PCDHGA12: variants seen among roughly 807,000 people sequenced by gnomAD.
PCDHGA12 encodes protocadherin gamma subfamily A, 12, also known as protocadherin gamma-A12.
Under a neutral mutation model 61.1 loss-of-function variants are expected in PCDHGA12, and 43 were observed. The ratio of observed to expected loss-of-function variants is 0.70; its 90% CI spans 0.55 to 0.91. PCDHGA12 has a LOEUF of 0.91. PCDHGA12 is among the 40% of genes least tolerant of loss of function. The pLI is 0.00. For missense variants in PCDHGA12, 1,236 were observed against 1,227.7 expected (o/e 1.01, Z -0.10); for synonymous variants, 520 against 542.9 (o/e 0.96, Z 0.59).
At position 141,490,328 on chromosome 5, in the gene PCDHGA12, C is replaced by T; in HGVS notation, c.2425-4479C>T. 2 of 1,614,228 alleles carry T rather than the reference C, an allele frequency of 1.2e-6. No homozygotes were observed. Among genetic ancestry groups the T allele is most frequent in the Non-Finnish European group, 1.7e-6 (2 of 1,180,048 alleles). Reference sequence around the variant, plus strand: ...TTGGCCAACCCTGTCCTAGAGAGCACACCAGTGGGCACAGTAGTGGGGTTG... The same window carrying T: ...TTGGCCAACCCTGTCCTAGAGAGCATACCAGTGGGCACAGTAGTGGGGTTG... On this transcript the variant is annotated intron_variant, in intron 1 of 3. Coordinates refer to ENST00000252085, the MANE Select transcript of PCDHGA12 (RefSeq NM_003735.3). The surrounding 1 kb of genome is among the most constrained non-coding windows in gnomAD (Gnocchi z 5.4).
At chr5:141,434,535 A>G (rs939961995) in intron 1 of PCDHGA12, among the ~76,000 whole-genome samples, 1 of 152,230 alleles carries the variant, frequency 6.6e-6, no homozygotes, top group African/African-American at 2.4e-5. Flanking sequence ...ACCACAAACA[A>G]TAGCATGAGT....
rs1376914747 is a variant in PCDHGA12, at chr5:141,432,008, A to T, written c.1249A>T (p.Ser417Cys). The change falls in exon 1 of 4, where the codon AGC becomes TGC. Residue 417 changes from serine to cysteine, a missense_variant. Coordinates refer to ENST00000252085, the MANE Select transcript of PCDHGA12 (RefSeq NM_003735.3). This position sits in a 1 kb window ranked among gnomAD's most constrained non-coding sequence, Gnocchi z 6.0. ...DIVLDREQVP[S>C]YNITVTATDR... ...AGTCTTGGATAGGGAACAGGTTCCT[A>T]GCTACAACATCACAGTGACCGCCAC... 1 of 1,614,200 alleles carries T rather than the reference A, an allele frequency of 6.2e-7. No homozygotes were observed. The highest frequency in any genetic ancestry group is 2.2e-5 in the East Asian group (1 of 44,888).
chr5:141,440,056 G>A, intron 1 of PCDHGA12: 1 of 152,648 alleles, frequency 6.6e-6, no homozygotes, highest in East Asian at 1.9e-4. Flanking sequence ...GAAAGCTTCG[G>A]GTTAATGCTG....
Position 141,476,735 on chromosome 5 carries a change from G to C in PCDHGA12, c.2425-18072G>C, listed in dbSNP as rs1267556668. The C allele has an allele frequency of 6.2e-7, 1 of 1,613,974 alleles. No individual in the cohort carries two copies. Among genetic ancestry groups the C allele is most frequent in the African/African-American group, 1.3e-5 (1 of 74,940 alleles). On this transcript the variant is annotated intron_variant, in intron 1 of 3. Coordinates refer to ENST00000252085, the MANE Select transcript of PCDHGA12 (RefSeq NM_003735.3). This position sits in a 1 kb window ranked among gnomAD's most constrained non-coding sequence, Gnocchi z 7.6. ...GGAGCGCGCCCTGGACCGAGAACGG[G>C]AGCCTAGTCTCCAGTTAGTGCTGAC...
Position 141,512,931 on chromosome 5 carries a change from C to T in PCDHGA12, c.*1758C>T, listed in dbSNP as rs2099884512. On this transcript the variant is annotated 3_prime_UTR_variant, in exon 4 of 4. Transcript: ENST00000252085. ...GTTTTATACTCTAATATTTATATGG[C>T]TTTTTTTCTTCGACAAAAAAATAAT... The T allele has an allele frequency of 6.6e-6, 1 of 152,006 alleles. No homozygotes were observed. The highest frequency in any genetic ancestry group is 2.4e-5 in the African/African-American group (1 of 41,414). The allele number at this position is 152,006 out of a possible 1,614,324, so 9.4% of individuals were successfully genotyped here.
chr5:141,450,468 A>G (rs1187171122), intron 1 of PCDHGA12, among the ~76,000 whole-genome samples: 2 of 151,696 alleles, frequency 1.3e-5, no homozygotes, highest in African/African-American at 4.9e-5. Flanking sequence ...TTTTATATAT[A>G]GAGTTTGTTT....
At position 141,485,568 on chromosome 5, in the gene PCDHGA12, G is replaced by T. The variant is rs1020556289; in HGVS notation, c.2425-9239G>T. 6.2e-7 allele frequency: 1 copy of T among 1,612,758 alleles called. No homozygotes were observed. Among genetic ancestry groups the T allele is most frequent in the Non-Finnish European group, 8.5e-7 (1 of 1,178,924 alleles). On this transcript the variant is annotated intron_variant, in intron 1 of 3. Coordinates refer to ENST00000252085, the MANE Select transcript of PCDHGA12 (RefSeq NM_003735.3). The surrounding 1 kb of genome is among the most constrained non-coding windows in gnomAD (Gnocchi z 5.7). Reference sequence around the variant, plus strand: ...GTAGATGTGAATGATCACGCCCCCCGTTTTCCGCGGCAGCAGCTGGACTTG... The same window carrying T: ...GTAGATGTGAATGATCACGCCCCCCTTTTTCCGCGGCAGCAGCTGGACTTG...
intron 1 of PCDHGA12, among the ~76,000 whole-genome samples, chr5:141,450,005 T>A (rs1439257597): frequency 1.0e-5 from 1 of 99,604 alleles, no homozygotes; most frequent in Non-Finnish European, 1.8e-5. Context: ...TTGCCATGTC[T>A]CTTTTTTTTT....
chr5:141,487,831 A>T lies in PCDHGA12; in HGVS notation c.2425-6976A>T. 2 of 1,144,322 alleles carry T rather than the reference A, an allele frequency of 1.7e-6. No individual in the cohort carries two copies. Among genetic ancestry groups the T allele is most frequent in the Non-Finnish European group, 2.4e-6 (2 of 818,294 alleles). 70.9% of individuals were successfully genotyped at this position (1,144,322 alleles called of 1,614,324 possible). ...TTAGCATTGGGGGCGGGTCATGCCT[A>T]TATCTGAGTAAGAAATGAAAGTAAT... On this transcript the variant is annotated intron_variant, in intron 1 of 3. Transcript: ENST00000252085. The surrounding 1 kb of genome is among the most constrained non-coding windows in gnomAD (Gnocchi z 5.0).
In PCDHGA12 at chr5:141,430,862, G is replaced by A. The variant is rs1365140768; in HGVS notation, c.103G>A (p.Val35Ile). ...ETGCTQIRYS[V>I]PEELEKGSRV... ...CGGATGCACCCAGATACGCTATTCA[G>A]TTCCGGAAGAGCTGGAGAAAGGCTC... is the stretch of plus-strand genomic sequence containing the variant. Residue 35 changes from valine (V) to isoleucine (I), a missense_variant, in exon 1 of 4, where the codon GTT (valine) becomes ATT (isoleucine). Transcript: ENST00000252085. 3 of 1,594,672 alleles carry A rather than the reference G, an allele frequency of 1.9e-6. No individual in the cohort carries two copies. The African/African-American group carries it at 4.0e-5, about 21-fold the overall frequency.
At position 141,485,060 on chromosome 5, in the gene PCDHGA12, G is replaced by A. The variant is rs191055161; in HGVS notation, c.2425-9747G>A. 155 of 862,304 alleles carry A rather than the reference G, an allele frequency of 1.8e-4. No individual in the cohort carries two copies. The African/African-American group carries it at 2.3e-3, about 13-fold the overall frequency. 53.4% of individuals were successfully genotyped at this position (862,304 alleles called of 1,614,324 possible). ...ACCCTTGCGGCGCCGGCCGAACCGCGCCAGAGCTGGCGCGGGGAAAGGGAG... is the reference window on the plus strand; with the variant it reads ...ACCCTTGCGGCGCCGGCCGAACCGCACCAGAGCTGGCGCGGGGAAAGGGAG... On this transcript the variant is annotated intron_variant, in intron 1 of 3. Transcript: ENST00000252085. This position sits in a 1 kb window ranked among gnomAD's most constrained non-coding sequence, Gnocchi z 5.7.
chr5:141,431,438 C>A lies in PCDHGA12; in HGVS notation c.679C>A (p.Arg227Ser), dbSNP rs773812765. 6.2e-7 allele frequency: 1 copy of A among 1,613,612 alleles called. No homozygotes were observed. The highest frequency in any genetic ancestry group is 1.7e-5 in the Admixed American group (1 of 60,004). Reference protein sequence around the residue: ...GGDPVRTGTARIRVMVLDAND... With the variant: ...GGDPVRTGTASIRVMVLDAND... ...CGACCCGGTGCGCACAGGCACCGCG[C>A]GCATCCGCGTGATGGTTCTGGATGC... The change falls in exon 1 of 4, where the codon CGC (arginine) becomes AGC (serine). Residue 227 changes from arginine to serine, a missense_variant. Coordinates refer to ENST00000252085, the MANE Select transcript of PCDHGA12 (RefSeq NM_003735.3). This position sits in a 1 kb window ranked among gnomAD's most constrained non-coding sequence, Gnocchi z 4.8.
chr5:141,462,372 C>A (rs2099038225), intron 1 of PCDHGA12, among the ~76,000 whole-genome samples: 1 of 152,096 alleles, frequency 6.6e-6, no homozygotes, highest in African/African-American at 2.4e-5. Flanking sequence ...AGTTTCTATT[C>A]TTTTAAATTC....
chr5:141,511,276 T>C lies in PCDHGA12; in HGVS notation c.*103T>C. On this transcript the variant is annotated 3_prime_UTR_variant, in exon 4 of 4. Coordinates refer to ENST00000252085, the MANE Select transcript of PCDHGA12 (RefSeq NM_003735.3). ...AGAGTTTCAGGGCTAACCCCCAGAA[T>C]ACTGGTAGGGGCCAAGGCCATGCTC... 6.5e-7 allele frequency: 1 copy of C among 1,538,084 alleles called. No homozygotes were observed. Among genetic ancestry groups the C allele is most frequent in the Non-Finnish European group, 8.8e-7 (1 of 1,140,720 alleles).
chr5:141,477,193 C>G lies in PCDHGA12; in HGVS notation c.2425-17614C>G. The G allele has an allele frequency of 6.2e-7, 1 of 1,614,176 alleles. No homozygotes were observed. Among genetic ancestry groups the G allele is most frequent in the Non-Finnish European group, 8.5e-7 (1 of 1,180,036 alleles). On this transcript the variant is annotated intron_variant, in intron 1 of 3. Transcript: ENST00000252085. This position sits in a 1 kb window ranked among gnomAD's most constrained non-coding sequence, Gnocchi z 4.9. ...AGATCACAGTCACCTCCGTGTACAG[C>G]CCAGTACCCGAGGATGCCCCTCTGG...
At position 141,486,370 on chromosome 5, in the gene PCDHGA12, T is replaced by C. The variant is rs755925357; in HGVS notation, c.2425-8437T>C. Reference sequence around the variant, plus strand: ...ACCACTTGCCATTTGCCCTCAAGTCTGCCTTCAGGAACCAGTTCTCCCTGG... The same window carrying C: ...ACCACTTGCCATTTGCCCTCAAGTCCGCCTTCAGGAACCAGTTCTCCCTGG... On this transcript the variant is annotated intron_variant, in intron 1 of 3. Coordinates refer to ENST00000252085, the MANE Select transcript of PCDHGA12 (RefSeq NM_003735.3). The surrounding 1 kb of genome is among the most constrained non-coding windows in gnomAD (Gnocchi z 5.0). 8 of 1,613,988 alleles carry C rather than the reference T, an allele frequency of 5.0e-6. No individual in the cohort carries two copies. The Admixed American group carries it at 1.3e-4, about 27-fold the overall frequency.
intron 1 of PCDHGA12, among the ~76,000 whole-genome samples, chr5:141,484,774 C>T (rs1269490742): frequency 6.6e-6 from 1 of 151,782 alleles, no homozygotes; most frequent in Non-Finnish European, 1.5e-5. Context: ...ATGTTGTCTG[C>T]CTCCCCACAG....
intron 3 of PCDHGA12, among the ~76,000 whole-genome samples, chr5:141,506,190 C>T (rs1313145580): frequency 6.6e-6 from 1 of 152,180 alleles, no homozygotes; most frequent in Non-Finnish European, 1.5e-5. Flanking sequence ...GTGGCTCACG[C>T]CTGTAATCCC....
chr5:141,477,988 C>T lies in PCDHGA12; in HGVS notation c.2425-16819C>T, dbSNP rs771241128. The T allele has an allele frequency of 6.2e-7, 1 of 1,614,160 alleles. No individual in the cohort carries two copies. Among genetic ancestry groups the T allele is most frequent in the Non-Finnish European group, 8.5e-7 (1 of 1,180,032 alleles). On this transcript the variant is annotated intron_variant, in intron 1 of 3. Coordinates refer to ENST00000252085, the MANE Select transcript of PCDHGA12 (RefSeq NM_003735.3). This position sits in a 1 kb window ranked among gnomAD's most constrained non-coding sequence, Gnocchi z 4.9. ...AGAGCCTTTTTGCCATAGGGCTGCA[C>T]ACTGGTCAAATCAGTACTGCCCGTC...
Sources: allele counts gnomAD v4.1 joint callset (sites outside exome capture counted in the v4.1 genomes callset), GRCh38; gene constraint gnomAD v4.1.1; non-coding constraint Gnocchi (gnomAD v3.1); transcripts MANE v1.5; gene names NCBI Gene and HGNC (gene_info 2026-07-23, HGNC 2026-07-21).